Variants in AP2S1 observed in about 807,000 individuals in gnomAD.
AP2S1 encodes AP-2 complex subunit sigma.
A neutral mutation model predicts 21.0 loss-of-function variants in AP2S1; 6 were observed. The ratio of observed to expected loss-of-function variants is 0.29; its 90% CI spans 0.16 to 0.56. The LOEUF (loss-of-function observed/expected upper bound fraction) is 0.56. AP2S1 is among the 20% of genes least tolerant of loss of function. The probability of loss-of-function intolerance (pLI) is 0.92; values close to 1 mark genes in which losing one functional copy is unlikely to be tolerated. For synonymous variants in AP2S1, 63 were observed against 74.6 expected (o/e 0.84, Z 0.80); for missense variants, 60 against 186.2 (o/e 0.32, Z 3.95).
At chr19:46,839,944 G>A (rs143814383) in intron 2 of AP2S1, among the ~76,000 whole-genome samples, 3 of 152,266 alleles carry the variant, frequency 2.0e-5, no homozygotes, top group South Asian at 2.1e-4. Flanking sequence ...GGAGCCTGAC[G>A]TGTTCAATAG....
intron 1 of AP2S1, among the ~76,000 whole-genome samples, chr19:46,846,746 AC>A (rs1277972099): frequency 1.1e-4 from 16 of 151,710 alleles, no homozygotes; most frequent in Non-Finnish European, 1.8e-4. Context: ...GCTCACTGCA[AC>A]CTCCGCCTCC....
intron 2 of AP2S1, among the ~76,000 whole-genome samples, chr19:46,843,589 G>A (rs1249442817): frequency 6.6e-6 from 1 of 152,116 alleles, no homozygotes; most frequent in African/African-American, 2.4e-5. Flanking sequence ...CGGCATTGGT[G>A]GCACATGCCA....
At chr19:46,850,395 G>A (rs1271712739) in intron 1 of AP2S1, 2 of 1,223,956 alleles carry the variant, frequency 1.6e-6, no homozygotes, top group African/African-American at 3.1e-5. Context: ...CACTTCCAGA[G>A]CGCCTTCCTC....
At chr19:46,840,918 T>C (rs1323585937) in intron 2 of AP2S1, among the ~76,000 whole-genome samples, 2 of 151,520 alleles carry the variant, frequency 1.3e-5, no homozygotes, top group African/African-American at 2.4e-5. Flanking sequence ...CAATCTCTTG[T>C]TCATTGCTAT....
At chr19:46,845,037 G>A (rs1415992553) in intron 2 of AP2S1, among the ~76,000 whole-genome samples, 4 of 148,992 alleles carry the variant, frequency 2.7e-5, no homozygotes, top group Admixed American at 6.7e-5. Context: ...GGAGGAGGTT[G>A]CAGTGAGCCA....
intron 1 of AP2S1, 94 bp from the exon 2 acceptor site, chr19:46,846,236 G>C (rs1309199822): frequency 4.0e-6 from 6 of 1,505,084 alleles, no homozygotes; most frequent in Non-Finnish European, 5.4e-6. Flanking sequence ...CCAGAGGGGA[G>C]ATAGGGCTCA....
chr19:46,850,727 C>T, intron 1 of AP2S1, 37 bp downstream of exon 1: 2 of 1,522,158 alleles, frequency 1.3e-6, no homozygotes, highest in African/African-American at 1.4e-5. Flanking sequence ...CGTGGGCCCC[C>T]CCTCCGCCAG....
rs537013670 is a variant in AP2S1, at chr19:46,839,728, G to A, written c.154-150C>T. The A allele has an allele frequency of 8.3e-6, 11 of 1,321,860 alleles. 1 individual carries two copies. Among genetic ancestry groups the A allele is most frequent in the South Asian group, 2.8e-5 (2 of 71,970 alleles). The allele number at this position is 1,321,860 out of a possible 1,614,324, so 81.9% of individuals were successfully genotyped here. A position where few individuals can be genotyped will look rare whatever the true frequency, so the allele number is the denominator to read the frequency against. ...CTGTGCTGGGGTCACAGCAGTGACCGAGACAGCCCTAACCCTGCTCACAGT... is the reference window on the plus strand; with the variant it reads ...CTGTGCTGGGGTCACAGCAGTGACCAAGACAGCCCTAACCCTGCTCACAGT... On this transcript the variant is annotated intron_variant, in intron 2 of 4. Transcript: ENST00000263270.
intron 1 of AP2S1, 119 bp from the exon 2 acceptor site, chr19:46,846,261 C>T: frequency 7.6e-7 from 1 of 1,308,696 alleles, no homozygotes; most frequent in South Asian, 1.4e-5. Flanking sequence ...CTCCCTGCTG[C>T]CTGACTTCCA....
At chr19:46,847,923 T>C (rs1265374783) in intron 1 of AP2S1, among the ~76,000 whole-genome samples, 2 of 152,176 alleles carry the variant, frequency 1.3e-5, no homozygotes, top group African/African-American at 4.8e-5. Flanking sequence ...ATCATTTCTC[T>C]TGGGTATATA....
At chr19:46,844,808 T>C (rs917399671) in intron 2 of AP2S1, among the ~76,000 whole-genome samples, 2 of 145,640 alleles carry the variant, frequency 1.4e-5, no homozygotes, top group Admixed American at 6.9e-5. Context: ...TCAAAAAAAA[T>C]TTTTTAAAGA....
intron 1 of AP2S1, among the ~76,000 whole-genome samples, chr19:46,848,932 C>G (rs1346924733): frequency 6.6e-6 from 1 of 151,122 alleles, no homozygotes; most frequent in Non-Finnish European, 1.5e-5. Context: ...AGGCTGGTCT[C>G]GAACTCCTGA....
At chr19:46,843,040 C>T (rs1382215476) in intron 2 of AP2S1, among the ~76,000 whole-genome samples, 1 of 152,158 alleles carries the variant, frequency 6.6e-6, no homozygotes, top group African/African-American at 2.4e-5. Flanking sequence ...CGGGGCCAGA[C>T]CCCCAACACT....
intron 2 of AP2S1, 48 bp from the exon 3 acceptor site, chr19:46,839,626 G>A (rs768435886): frequency 1.2e-5 from 19 of 1,613,178 alleles, no homozygotes; most frequent in East Asian, 1.1e-4. Context: ...AGGACCTAAC[G>A]TGCCAGACAG....
chr19:46,845,564 A>C, intron 2 of AP2S1: 1 of 154,878 alleles, frequency 6.5e-6, no homozygotes, highest in African/African-American at 2.4e-5. Context: ...TACAGGCATG[A>C]GCCACTGCAC....
At chr19:46,848,084 C>T (rs748783757) in intron 1 of AP2S1, among the ~76,000 whole-genome samples, 1 of 152,030 alleles carries the variant, frequency 6.6e-6, no homozygotes, top group Non-Finnish European at 1.5e-5. Context: ...AAAGGATATT[C>T]CTGGCCGGTC....
chr19:46,847,414 C>T lies in AP2S1; in HGVS notation c.4-1272G>A, dbSNP rs535092991. Among the ~76,000 whole-genome samples the T allele has an allele frequency of 2.3e-3, 355 of 152,200 alleles. 1 individual carries two copies. Among genetic ancestry groups the T allele is most frequent in the Middle Eastern group, 0.014 (4 of 294 alleles). Reference sequence around the variant, plus strand: ...TGTATTTTTAGTAGAGACAGTGTTTCACCATGTTGTCCAGGCTGGTCTCGA... The same window carrying T: ...TGTATTTTTAGTAGAGACAGTGTTTTACCATGTTGTCCAGGCTGGTCTCGA... On this transcript the variant is annotated intron_variant, in intron 1 of 4. Transcript: ENST00000263270.
chr19:46,844,680 G>T (rs2055589147), intron 2 of AP2S1, among the ~76,000 whole-genome samples: 1 of 152,090 alleles, frequency 6.6e-6, no homozygotes, highest in Non-Finnish European at 1.5e-5. Context: ...CAAGCCTGTA[G>T]TCCCAGCTAC....
intron 1 of AP2S1, among the ~76,000 whole-genome samples, chr19:46,847,252 G>A (rs564773536): frequency 1.2e-4 from 12 of 99,850 alleles, no homozygotes; most frequent in Non-Finnish European, 2.2e-4. Flanking sequence ...TTTTTTTTTT[G>A]AGACAGGTTC....
Sources: allele counts gnomAD v4.1 joint callset (sites outside exome capture counted in the v4.1 genomes callset), GRCh38; gene constraint gnomAD v4.1.1; transcripts MANE v1.5; gene names NCBI Gene and HGNC (gene_info 2026-07-23, HGNC 2026-07-21).